Variants in MARCHF1 observed in about 807,000 individuals in gnomAD.
MARCHF1 encodes the protein membrane associated ring-CH-type finger 1, also known as E3 ubiquitin-protein ligase MARCHF1.
Under a neutral mutation model 54.2 loss-of-function variants are expected in MARCHF1, and 40 were observed. The observed-to-expected ratio is 0.74, with a 90% CI of 0.57 to 0.96. The LOEUF (loss-of-function observed/expected upper bound fraction) is 0.96. MARCHF1 is among the 40% of genes least tolerant of loss of function. The pLI, the probability that MARCHF1 is intolerant of heterozygous loss-of-function variation, is 0.00. For missense variants in MARCHF1, 586 were observed against 656.5 expected, an observed-to-expected ratio of 0.89 and a Z score of 1.17; for synonymous variants, 236 against 236.3, an observed-to-expected ratio of 1.00 and a Z score of 0.01.
intron 1 of MARCHF1, among the ~76,000 whole-genome samples, chr4:164,265,651 A>G (rs1249317394): frequency 6.6e-6 from 1 of 152,058 alleles, no homozygotes; most frequent in East Asian, 1.9e-4. Context: ...GGCCCTGAGC[A>G]ATGCGGCACC....
chr4:164,015,071 G>C (rs1338012342), intron 2 of MARCHF1, among the ~76,000 whole-genome samples: 1 of 152,078 alleles, frequency 6.6e-6, no homozygotes, highest in African/African-American at 2.4e-5. Flanking sequence ...CTACAAAGCT[G>C]TAGTAAACAT....
chr4:164,038,455 T>C (rs1316046660), intron 2 of MARCHF1, among the ~76,000 whole-genome samples: 2 of 152,172 alleles, frequency 1.3e-5, no homozygotes, highest in Non-Finnish European at 1.5e-5. Context: ...ATTGTGCCAC[T>C]GCACTCCCGC....
At chr4:163,689,364 A>C (rs900371945) in intron 5 of MARCHF1, among the ~76,000 whole-genome samples, 2 of 152,218 alleles carry the variant, frequency 1.3e-5, no homozygotes, top group Admixed American at 6.5e-5. Flanking sequence ...TTCTTCCTAG[A>C]GAAAAGTTTA....
At chr4:163,586,793 TA>T (rs1294290035) in intron 7 of MARCHF1, among the ~76,000 whole-genome samples, 17 of 152,182 alleles carry the variant, frequency 1.1e-4, no homozygotes, top group African/African-American at 4.1e-4. Flanking sequence ...CCATGGCATG[TA>T]ATTTATTAAA....
At chr4:163,717,261 C>T (rs1159389927) in intron 4 of MARCHF1, among the ~76,000 whole-genome samples, 2 of 149,846 alleles carry the variant, frequency 1.3e-5, no homozygotes, top group African/African-American at 4.9e-5. Flanking sequence ...GTTTTTTGTC[C>T]TTGCGATAGT....
chr4:163,859,488 T>A (rs1444328645), intron 3 of MARCHF1, among the ~76,000 whole-genome samples: 1 of 151,654 alleles, frequency 6.6e-6, no homozygotes, highest in East Asian at 1.9e-4. Context: ...GCCTCCCAAG[T>A]TTCTGGGATT....
intron 2 of MARCHF1, among the ~76,000 whole-genome samples, chr4:164,016,372 C>T (rs1241631405): frequency 1.3e-5 from 2 of 152,076 alleles, no homozygotes; most frequent in Non-Finnish European, 1.5e-5. Flanking sequence ...CCCCCATGAT[C>T]GATCCAATCA....
At chr4:163,868,028 T>C (rs1412783913) in intron 3 of MARCHF1, among the ~76,000 whole-genome samples, 5 of 151,974 alleles carry the variant, frequency 3.3e-5, no homozygotes, top group South Asian at 2.1e-4. Flanking sequence ...GTTTATTCCA[T>C]CACCAGAAGG....
intron 3 of MARCHF1, among the ~76,000 whole-genome samples, chr4:163,952,576 A>G (rs984142986): frequency 6.6e-6 from 1 of 152,242 alleles, no homozygotes; most frequent in Non-Finnish European, 1.5e-5. Flanking sequence ...TATCTGTATT[A>G]ATGAGACATT....
Position 163,528,756 on chromosome 4 carries a change from A to C in MARCHF1, c.1630T>G (p.Ser544Ala), listed in dbSNP as rs1404938546. 1 of 1,609,476 alleles carries C rather than the reference A, an allele frequency of 6.2e-7. No homozygotes were observed. Among genetic ancestry groups the C allele is most frequent in the Non-Finnish European group, 8.5e-7 (1 of 1,177,172 alleles). Residue 544 changes from serine to alanine, a missense_variant, in exon 10 of 10, where the codon TCA becomes GCA. Coordinates refer to ENST00000514618, the MANE Select transcript of MARCHF1 (RefSeq NM_001394959.1). ...ACTCCCAACAGGTTCCATCAGACTG[A>C]TACAACTTCAGGGGGGCCACCCTCT... The part of the protein sequence containing the change: ...SAEGGPPEVV[S>A]V
chr4:163,572,384 T>G (rs1262920730), intron 8 of MARCHF1, among the ~76,000 whole-genome samples: 1 of 151,704 alleles, frequency 6.6e-6, no homozygotes, highest in African/African-American at 2.4e-5. Flanking sequence ...GGATTTTAAG[T>G]TGGAAGAAAC....
chr4:163,745,260 C>A (rs1250668559), intron 4 of MARCHF1, among the ~76,000 whole-genome samples: 2 of 151,508 alleles, frequency 1.3e-5, no homozygotes, highest in African/African-American at 4.8e-5. Flanking sequence ...TACAGGTGCC[C>A]ACCACCACAC....
intron 8 of MARCHF1, among the ~76,000 whole-genome samples, chr4:163,556,815 T>G (rs1341923163): frequency 6.6e-6 from 1 of 152,102 alleles, no homozygotes. Context: ...CTCAATATAT[T>G]ACATTTGAAT....
At chr4:163,722,013 T>C (rs1216270062) in intron 4 of MARCHF1, among the ~76,000 whole-genome samples, 1 of 152,140 alleles carries the variant, frequency 6.6e-6, no homozygotes, top group Non-Finnish European at 1.5e-5. Context: ...GAAGGTGTTT[T>C]TGTGTTTTTA....
intron 1 of MARCHF1, among the ~76,000 whole-genome samples, chr4:164,135,744 T>G (rs1225981315): frequency 6.6e-6 from 1 of 152,218 alleles, no homozygotes; most frequent in Non-Finnish European, 1.5e-5. Flanking sequence ...ACTTAATGCA[T>G]AACTGCATTT....
intron 4 of MARCHF1, among the ~76,000 whole-genome samples, chr4:163,720,408 C>T (rs1745408361): frequency 6.6e-6 from 1 of 152,152 alleles, no homozygotes; most frequent in Admixed American, 6.5e-5. Context: ...AGTACCAGTA[C>T]CATGCTGTTT....
At chr4:163,656,236 A>G (rs1405796923) in intron 5 of MARCHF1, among the ~76,000 whole-genome samples, 3 of 151,764 alleles carry the variant, frequency 2.0e-5, no homozygotes, top group Non-Finnish European at 4.4e-5. Flanking sequence ...CACCACTGAT[A>G]CCACAGAACT....
At position 164,258,732 on chromosome 4, in the gene MARCHF1, T is replaced by G. The variant is rs148708084; in HGVS notation, c.-323+125138A>C. On this transcript the variant is annotated intron_variant, in intron 1 of 9. Coordinates refer to ENST00000514618, the MANE Select transcript of MARCHF1 (RefSeq NM_001394959.1). The stretch of plus-strand genomic sequence containing the variant: ...AAGTGTATCTCTTTGATTATACATA[T>G]GTATTCAAAGAATATTTGAATTTAT... 9.2e-3 allele frequency among the ~76,000 whole-genome samples: 1,396 copies of G among 152,302 alleles called. 26 individuals carry two copies. The highest frequency in any genetic ancestry group is 0.031 in the African/African-American group (1,300 of 41,576).
intron 5 of MARCHF1, among the ~76,000 whole-genome samples, chr4:163,684,121 C>T (rs367900696): frequency 6.6e-5 from 10 of 152,272 alleles, no homozygotes; most frequent in African/African-American, 2.4e-4. Flanking sequence ...CCTTGGGAGC[C>T]ACCACGTAGT....
Sources: gnomAD v4.1 joint callset for allele counts (sites outside exome capture counted in the v4.1 genomes callset) on GRCh38, gnomAD v4.1.1 for gene constraint, MANE v1.5 for transcripts, NCBI Gene and HGNC (gene_info 2026-07-23, HGNC 2026-07-21) for gene names.